SEC31A: variants seen among roughly 807,000 people sequenced by gnomAD.
SEC31A encodes the protein SEC31 homolog A, COPII component.
Under a neutral mutation model 151.0 loss-of-function variants are expected in SEC31A, and 70 were observed. The ratio of observed to expected loss-of-function variants is 0.46; its 90% CI spans 0.38 to 0.57. SEC31A has a LOEUF of 0.57. SEC31A is among the 20% of genes least tolerant of loss of function. The probability of loss-of-function intolerance (pLI) is 0.00; values close to 1 mark genes in which losing one functional copy is unlikely to be tolerated. For synonymous variants in SEC31A, 475 were observed against 505.9 expected (o/e 0.94, Z 0.82); for missense variants, 1,330 against 1,471.2 (o/e 0.90, Z 1.57).
At position 82,859,791 on chromosome 4, in the gene SEC31A, A is replaced by ATT. The variant is rs11319185; in HGVS notation, c.1626+1838_1626+1839dup. Among the ~76,000 whole-genome samples the ATT allele has an allele frequency of 1.9e-3, 272 of 140,424 alleles. 1 individual carries two copies. The highest frequency in any genetic ancestry group is 5.4e-3 in the African/African-American group (195 of 36,370). 92.1% of individuals were successfully genotyped at this position (140,424 alleles called of 152,430 possible). A position where few individuals can be genotyped will look rare whatever the true frequency, so the allele number is the denominator to read the frequency against. Reference sequence around the variant, plus strand: ...TTCATTAACAAACTTGCATAAAAATATTTTTTTTTTTTTTTTTTGAGACAG... The same window carrying ATT: ...TTCATTAACAAACTTGCATAAAAATATTTTTTTTTTTTTTTTTTTTGAGACAG... On this transcript the variant is annotated intron_variant, in intron 14 of 26. Transcript: ENST00000395310.
At position 82,881,919 on chromosome 4, in the gene SEC31A, T is replaced by G. The variant is rs1739442795; in HGVS notation, c.18A>C (p.Val6=). MKLKE[V]DRTAMQAWSP... The stretch of plus-strand genomic sequence containing the variant: ...TCCATGCCTGCATGGCTGTACGATC[T>G]ACTTCCTTTAACTTCATCCTGCTAA... Residue 6 remains valine, a synonymous_variant, in exon 2 of 27, where the codon GTA becomes GTC. Coordinates refer to ENST00000395310, the MANE Select transcript of SEC31A (RefSeq NM_001077207.4). The G allele has an allele frequency of 6.2e-7, 1 of 1,613,974 alleles. No homozygotes were observed. The highest frequency in any genetic ancestry group is 1.3e-5 in the African/African-American group (1 of 74,948).
Position 82,891,054 on chromosome 4 carries a change from G to A in SEC31A, c.-5+34C>T, listed in dbSNP as rs1215635450. 9 of 1,535,786 alleles carry A rather than the reference G, an allele frequency of 5.9e-6. No individual in the cohort carries two copies. In the Admixed American group the frequency reaches 1.6e-4, roughly 27 times the overall value. Reference sequence around the variant, plus strand: ...GGCTCTACCTCAAAGCTTAAGGACCGGCGAAGAGGACAAAAAGCAACGGGC... The same window carrying A: ...GGCTCTACCTCAAAGCTTAAGGACCAGCGAAGAGGACAAAAAGCAACGGGC... On this transcript the variant is annotated intron_variant, in intron 1 of 26. Coordinates refer to ENST00000395310, the MANE Select transcript of SEC31A (RefSeq NM_001077207.4).
chr4:82,831,119 T>G, intron 22 of SEC31A: 1 of 180,316 alleles, frequency 5.5e-6, no homozygotes, highest in Non-Finnish European at 1.1e-5. Flanking sequence ...CACTTTTTAA[T>G]CAAGTCATGT....
At chr4:82,824,529 T>C in intron 25 of SEC31A, 26 bp downstream of exon 25, 1 of 1,605,780 alleles carries the variant, frequency 6.2e-7, no homozygotes, top group Non-Finnish European at 8.5e-7. Flanking sequence ...TTAAGCAAAA[T>C]ATGATTTAAA....
At position 82,864,378 on chromosome 4, in the gene SEC31A, A is replaced by G; in HGVS notation, c.1418T>C (p.Val473Ala). 1 of 1,612,758 alleles carries G rather than the reference A, an allele frequency of 6.2e-7. No individual in the cohort carries two copies. Among genetic ancestry groups the G allele is most frequent in the Non-Finnish European group, 8.5e-7 (1 of 1,178,764 alleles). Residue 473 changes from valine (V) to alanine (A), a missense_variant, in exon 11 of 27, where the codon GTG becomes GCG. Coordinates refer to ENST00000395310, the MANE Select transcript of SEC31A (RefSeq NM_001077207.4). Reference protein sequence around the residue: ...DASQTEFEKNVWSFLKVNFED... With the variant: ...DASQTEFEKNAWSFLKVNFED... ...CAACTTTACCTTCAAAAAGGACCAC[A>G]CATTTTTCTCAAATTCAGTCTGAGA...
Position 82,842,154 on chromosome 4 carries a change from G to A in SEC31A, c.2954C>T (p.Ala985Val), listed in dbSNP as rs377398978. 4.2e-5 allele frequency: 65 copies of A among 1,560,804 alleles called. No homozygotes were observed. The highest frequency in any genetic ancestry group is 5.3e-5 in the Non-Finnish European group (61 of 1,152,238). Residue 985 changes from alanine to valine, a missense_variant, in exon 22 of 27, where the codon GCG becomes GTG. Coordinates refer to ENST00000395310, the MANE Select transcript of SEC31A (RefSeq NM_001077207.4). ...CAAGCGCAGACCTGTTCTTTGGGAC[G>A]CAGGCAGCTCACTGGCAGCAGGCAG... ...GTLPAASELP[A>V]SQRTGPQNGW...
At chr4:82,881,511 T>C (rs1739316829) in intron 2 of SEC31A, among the ~76,000 whole-genome samples, 1 of 152,174 alleles carries the variant, frequency 6.6e-6, no homozygotes, top group South Asian at 2.1e-4. Context: ...TATAGACATA[T>C]ATGATATAAC....
At chr4:82,854,645 C>A (rs1268590000) in intron 17 of SEC31A, among the ~76,000 whole-genome samples, 16 of 149,672 alleles carry the variant, frequency 1.1e-4, no homozygotes, top group Non-Finnish European at 5.9e-5. Context: ...CTAGATCATA[C>A]AGCTACTAAG....
Position 82,881,950 on chromosome 4 carries a change from A to G in SEC31A, c.-4-10T>C, listed in dbSNP as rs377080787. On this transcript the variant is annotated splice_polypyrimidine_tract_variant and intron_variant, in intron 1 of 26. Transcript: ENST00000395310. The stretch of plus-strand genomic sequence containing the variant: ...CTTTAACTTCATCCTGCTAAAGGGA[A>G]TATTTTATACAGAAACAGCCTTGAA... 17 of 1,607,370 alleles carry G rather than the reference A, an allele frequency of 1.1e-5. No homozygotes were observed. The highest frequency in any genetic ancestry group is 1.3e-5 in the Non-Finnish European group (15 of 1,173,826).
At chr4:82,872,209 T>A (rs1020198614) in intron 6 of SEC31A, 123 bp from the exon 7 acceptor site, 39 of 773,724 alleles carry the variant, frequency 5.0e-5, no homozygotes, top group Non-Finnish European at 7.4e-5. Context: ...TTATTTTATT[T>A]ATGATCTATT....
At chr4:82,839,151 AT>A (rs745527138) in intron 22 of SEC31A, among the ~76,000 whole-genome samples, 5 of 140,832 alleles carry the variant, frequency 3.6e-5, no homozygotes, top group East Asian at 2.1e-4. Context: ...TAATTTTTGT[AT>A]TTTTTTTTCT....
intron 5 of SEC31A, 71 bp from the exon 6 acceptor site, chr4:82,874,822 A>G: frequency 1.3e-6 from 2 of 1,536,414 alleles, no homozygotes; most frequent in Non-Finnish European, 1.7e-6. Flanking sequence ...GTAAAATTGG[A>G]TCCTTCATTT....
chr4:82,871,516 C>A, intron 7 of SEC31A: 1 of 938,630 alleles, frequency 1.1e-6, no homozygotes, highest in Non-Finnish European at 1.6e-6. Flanking sequence ...TGGCCCATGC[C>A]TGTATTCCCA....
chr4:82,842,446 C>G lies in SEC31A; in HGVS notation c.2662G>C (p.Gly888Arg). Residue 888 changes from glycine to arginine, a missense_variant, in exon 22 of 27, where the codon GGG becomes CGG. By Grantham distance (125) the Gly-to-Arg change is moderately radical. Coordinates refer to ENST00000395310, the MANE Select transcript of SEC31A (RefSeq NM_001077207.4). ...QPAQPYPFGTGGSAMYRPQQP... is the reference protein window; with the variant it reads ...QPAQPYPFGTRGSAMYRPQQP... Reference sequence around the variant, plus strand: ...TGAGGTCGATACATTGCTGACCCCCCTGTTCCGAAGGGATACGGCTGGGCT... The same window carrying G: ...TGAGGTCGATACATTGCTGACCCCCGTGTTCCGAAGGGATACGGCTGGGCT... The G allele has an allele frequency of 6.2e-7, 1 of 1,613,486 alleles. No individual in the cohort carries two copies. The highest frequency in any genetic ancestry group is 8.5e-7 in the Non-Finnish European group (1 of 1,179,788).
intron 20 of SEC31A, among the ~76,000 whole-genome samples, chr4:82,845,990 T>G (rs531450555): frequency 6.6e-6 from 1 of 152,146 alleles, no homozygotes; most frequent in East Asian, 1.9e-4. Context: ...GCCATTGTTT[T>G]TTTGTTTGTT....
rs761134588 is a variant in SEC31A at position 82,853,699 on chromosome 4, C to T, written c.2025G>A (p.Arg675=). The change falls in exon 18 of 27, where the codon AGG becomes AGA. Residue 675 remains arginine (R), a synonymous_variant. Transcript: ENST00000395310. The part of the protein sequence containing the change: ...FSALCDLLGT[R]LENEGDSLLQ... ...GGAGGCTATCTCCTTCATTTTCAAGCCTGGTTCCCAAAAGATCTGTAAGTA... is the reference window on the plus strand; with the variant it reads ...GGAGGCTATCTCCTTCATTTTCAAGTCTGGTTCCCAAAAGATCTGTAAGTA... 6.9e-6 allele frequency: 11 copies of T among 1,603,226 alleles called. No individual in the cohort carries two copies. In the Admixed American group the frequency reaches 1.1e-4, roughly 16 times the overall value.
intron 22 of SEC31A, among the ~76,000 whole-genome samples, chr4:82,836,164 G>T (rs1030832129): frequency 6.6e-6 from 1 of 152,070 alleles, no homozygotes; most frequent in Non-Finnish European, 1.5e-5. Flanking sequence ...CACAAGGTCA[G>T]GAGTTCGAGA....
intron 25 of SEC31A, among the ~76,000 whole-genome samples, chr4:82,824,315 T>C (rs113298307): frequency 0.022 from 3,310 of 152,266 alleles, 126 homozygotes; most frequent in African/African-American, 0.075. Context: ...GCAATTCTCC[T>C]GCCTTAGCCT....
At chr4:82,834,817 A>T (rs867827617) in intron 22 of SEC31A, among the ~76,000 whole-genome samples, 2 of 151,922 alleles carry the variant, frequency 1.3e-5, no homozygotes, top group Admixed American at 6.6e-5. Flanking sequence ...TGACTTTTTT[A>T]AAAAAAACTT....
Sources: allele counts gnomAD v4.1 joint callset (sites outside exome capture counted in the v4.1 genomes callset), GRCh38; gene constraint gnomAD v4.1.1; transcripts MANE v1.5; gene names NCBI Gene and HGNC (gene_info 2026-07-23, HGNC 2026-07-21).